Variants in GPR176 observed in about 807,000 individuals in gnomAD.
The protein encoded by GPR176 is G protein-coupled receptor 176, also known as G-protein coupled receptor 176.
In GPR176, 26 loss-of-function variants were observed where a neutral mutation model predicts 35.4. The ratio of observed to expected loss-of-function variants is 0.74; its 90% CI spans 0.54 to 1.02. The LOEUF (loss-of-function observed/expected upper bound fraction) is 1.02. Among genes scored for constraint, GPR176 ranks in the 50% least tolerant of loss-of-function variants. The probability of loss-of-function intolerance (pLI) is 0.00; values close to 1 mark genes in which losing one functional copy is unlikely to be tolerated. For missense variants in GPR176, 597 were observed against 665.3 expected, an observed-to-expected ratio of 0.90 and a Z score of 1.13; for synonymous variants, 278 against 271.3, an observed-to-expected ratio of 1.02 and a Z score of -0.24.
chr15:39,840,085 G>A (rs1027962811), intron 1 of GPR176, among the ~76,000 whole-genome samples: 17 of 152,164 alleles, frequency 1.1e-4, no homozygotes, highest in African/African-American at 4.1e-4. Context: ...AATTCCTCAA[G>A]GATCTGGAAC....
intron 1 of GPR176, among the ~76,000 whole-genome samples, chr15:39,820,970 G>A (rs1446791280): frequency 3.3e-5 from 5 of 152,154 alleles, no homozygotes; most frequent in African/African-American, 1.2e-4. Flanking sequence ...TAGTCACGTT[G>A]CTGAAAACTG....
intron 1 of GPR176, among the ~76,000 whole-genome samples, chr15:39,817,623 A>G (rs988755439): frequency 6.6e-6 from 1 of 152,228 alleles, no homozygotes; most frequent in Non-Finnish European, 1.5e-5. Context: ...TAAAGGTCAA[A>G]TTCATGTTTT....
At chr15:39,871,714 CAA>C (rs772493081) in intron 1 of GPR176, among the ~76,000 whole-genome samples, 1 of 152,304 alleles carries the variant, frequency 6.6e-6, no homozygotes, top group East Asian at 1.9e-4. Flanking sequence ...TAAATAAACT[CAA>C]GAGTATCTGC....
chr15:39,819,111 A>C (rs552179164), intron 1 of GPR176, among the ~76,000 whole-genome samples: 2 of 152,334 alleles, frequency 1.3e-5, no homozygotes, highest in African/African-American at 4.8e-5. Context: ...CAGAGAAAAG[A>C]AGGAAAAGTT....
chr15:39,854,152 C>T (rs929542399), intron 1 of GPR176, among the ~76,000 whole-genome samples: 1 of 152,020 alleles, frequency 6.6e-6, no homozygotes, highest in African/African-American at 2.4e-5. Context: ...GAGCACTGCC[C>T]AGAGCAAGAC....
intron 1 of GPR176, among the ~76,000 whole-genome samples, chr15:39,881,213 G>A (rs538040453): frequency 6.6e-6 from 1 of 152,146 alleles, no homozygotes; most frequent in African/African-American, 2.4e-5. Context: ...TCATATTTCT[G>A]TCTTCCCCAA....
Position 39,820,182 on chromosome 15 carries a change from G to A in GPR176, c.173-12924C>T, listed in dbSNP as rs147393214. Among the ~76,000 whole-genome samples the A allele has an allele frequency of 3.3e-5, 5 of 152,266 alleles. No individual in the cohort carries two copies. In the East Asian group the frequency reaches 5.8e-4, roughly 18 times the overall value. On this transcript the variant is annotated intron_variant, in intron 1 of 2. Coordinates refer to ENST00000561100, the MANE Select transcript of GPR176 (RefSeq NM_007223.3). ...AGGCCAGCAGGAGAGGAGTGTTTGC[G>A]CAGTGAGGAGCTGGGAGAGCCAGAA...
chr15:39,895,683 G>GT (rs1473093535), intron 1 of GPR176, among the ~76,000 whole-genome samples: 20 of 152,078 alleles, frequency 1.3e-4, no homozygotes, highest in African/African-American at 4.6e-4. Context: ...GATGATGAGG[G>GT]TGGTAGAGCA....
At position 39,882,286 on chromosome 15, in the gene GPR176, A is replaced by T. The variant is rs559319422; in HGVS notation, c.172+37569T>A. ...TATTGGCAAAATTATTAATGGCTCTATCAAACATTACATATCAACGGCATG... is the reference window on the plus strand; with the variant it reads ...TATTGGCAAAATTATTAATGGCTCTTTCAAACATTACATATCAACGGCATG... On this transcript the variant is annotated intron_variant, in intron 1 of 2. Coordinates refer to ENST00000561100, the MANE Select transcript of GPR176 (RefSeq NM_007223.3). 1.3e-3 allele frequency among the ~76,000 whole-genome samples: 203 copies of T among 152,370 alleles called. 2 individuals carry two copies. The highest frequency in any genetic ancestry group is 5.2e-3 in the South Asian group (25 of 4,830).
At chr15:39,807,579 C>G in intron 1 of GPR176, 1 of 1,503,130 alleles carries the variant, frequency 6.7e-7, no homozygotes. Context: ...TAATCCCAGG[C>G]AGTCTGCTCT....
At chr15:39,823,748 CTG>C (rs1900433924) in intron 1 of GPR176, among the ~76,000 whole-genome samples, 1 of 152,204 alleles carries the variant, frequency 6.6e-6, no homozygotes, top group Admixed American at 6.5e-5. Flanking sequence ...CACCGCTAGA[CTG>C]TGAGAATTAG....
Position 39,810,844 on chromosome 15 carries a change from G to A in GPR176, c.173-3586C>T, listed in dbSNP as rs143743297. On this transcript the variant is annotated intron_variant, in intron 1 of 2. Transcript: ENST00000561100. ...TTACACTTAGTATACACCTTGTGATGCAAGAGGAAAGTTTAAACAAGTAAC... is the reference window on the plus strand; with the variant it reads ...TTACACTTAGTATACACCTTGTGATACAAGAGGAAAGTTTAAACAAGTAAC... Among the ~76,000 whole-genome samples the A allele has an allele frequency of 2.7e-3, 406 of 152,344 alleles. 13 individuals carry two copies. Among genetic ancestry groups the A allele is most frequent in the Non-Finnish European group, 5.1e-4 (35 of 68,038 alleles).
At chr15:39,860,358 G>A (rs887972853) in intron 1 of GPR176, among the ~76,000 whole-genome samples, 1 of 152,212 alleles carries the variant, frequency 6.6e-6, no homozygotes, top group African/African-American at 2.4e-5. Flanking sequence ...CCCTGCCCAG[G>A]GCACTGGAAG....
intron 1 of GPR176, among the ~76,000 whole-genome samples, chr15:39,847,939 T>C (rs945504482): frequency 4.6e-5 from 7 of 152,154 alleles, no homozygotes; most frequent in Middle Eastern, 3.4e-3. Flanking sequence ...CTTACAATCA[T>C]GGCCGAAGGT....
chr15:39,814,048 C>T (rs1899741089), intron 1 of GPR176, among the ~76,000 whole-genome samples: 1 of 152,132 alleles, frequency 6.6e-6, no homozygotes, highest in Non-Finnish European at 1.5e-5. Flanking sequence ...GCAACCATGG[C>T]ATGTGAGAAA....
At chr15:39,822,876 A>T (rs2140813517) in intron 1 of GPR176, among the ~76,000 whole-genome samples, 1 of 152,368 alleles carries the variant, frequency 6.6e-6, no homozygotes, top group East Asian at 1.9e-4. Flanking sequence ...CAGTCAAGGC[A>T]CATCAGTCAC....
intron 1 of GPR176, among the ~76,000 whole-genome samples, chr15:39,860,189 TGA>T (rs2031502264): frequency 6.6e-6 from 1 of 152,198 alleles, no homozygotes; most frequent in African/African-American, 2.4e-5. Flanking sequence ...CATTAGTGGA[TGA>T]GAGGATGGGC....
intron 1 of GPR176, among the ~76,000 whole-genome samples, chr15:39,873,023 TAGG>T (rs2032107147): frequency 6.6e-6 from 1 of 151,214 alleles, no homozygotes; most frequent in Non-Finnish European, 1.5e-5. Context: ...TTGGTAACAG[TAGG>T]AGAAATGGCT....
At position 39,801,644 on chromosome 15, in the gene GPR176, T is replaced by C. The variant is rs752083501; in HGVS notation, c.1036A>G (p.Asn346Asp). ...VQLHHRYSRR[N>D]VVSTGSGMAE... is the part of the protein sequence containing the mutation. Reference sequence around the variant, plus strand: ...ATGCCACTCCCTGTACTGACCACATTACGGCGACTGTACCGGTGGTGTAGT... The same window carrying C: ...ATGCCACTCCCTGTACTGACCACATCACGGCGACTGTACCGGTGGTGTAGT... The change falls in exon 3 of 3, where the codon AAT (asparagine) becomes GAT (aspartate). Residue 346 changes from asparagine (N) to aspartate (D), a missense_variant. Asn to Asp is a conservative substitution (Grantham distance 23). This residue lies in a region of GPR176 where 251 missense variants were observed against 255.4 expected (regional missense o/e 0.98). Coordinates refer to ENST00000561100, the MANE Select transcript of GPR176 (RefSeq NM_007223.3). The C allele has an allele frequency of 2.5e-6, 4 of 1,614,082 alleles. No individual in the cohort carries two copies. Among genetic ancestry groups the C allele is most frequent in the South Asian group, 1.1e-5 (1 of 91,080 alleles).
Sources: gnomAD v4.1 joint callset for allele counts (sites outside exome capture counted in the v4.1 genomes callset) on GRCh38, gnomAD v4.1.1 for gene constraint, gnomAD v4.1.1 regional missense constraint, MANE v1.5 for transcripts, NCBI Gene and HGNC (gene_info 2026-07-23, HGNC 2026-07-21) for gene names.